Variants in GALNT12 observed in about 807,000 individuals in gnomAD.
The protein encoded by GALNT12 is UDP-GalNAc:polypeptide N-acetylgalactosaminyltransferase 12.
In GALNT12, 45 loss-of-function variants were observed where a neutral mutation model predicts 55.5. The ratio of observed to expected loss-of-function variants is 0.81; its 90% CI spans 0.64 to 1.04. The LOEUF is 1.04. Among genes scored for constraint, GALNT12 ranks in the 50% least tolerant of loss-of-function variants. The pLI, the probability that GALNT12 is intolerant of heterozygous loss-of-function variation, is 0.00. For missense variants in GALNT12, 709 were observed against 754.8 expected, an observed-to-expected ratio of 0.94 and a Z score of 0.71; for synonymous variants, 304 against 312.2, an observed-to-expected ratio of 0.97 and a Z score of 0.28.
intron 1 of GALNT12, among the ~76,000 whole-genome samples, chr9:98,811,174 A>C (rs977209136): frequency 3.9e-5 from 6 of 152,304 alleles, no homozygotes; most frequent in African/African-American, 7.2e-5. Context: ...TCTGAGTCAG[A>C]AGATTTAGGG....
intron 1 of GALNT12, among the ~76,000 whole-genome samples, chr9:98,810,848 G>C (rs1337682049): frequency 6.6e-6 from 1 of 152,070 alleles, no homozygotes; most frequent in East Asian, 1.9e-4. Flanking sequence ...ATGATGACTA[G>C]GAATCCTTCC....
At position 98,837,034 on chromosome 9, in the gene GALNT12, C is replaced by T. The variant is rs2118450989; in HGVS notation, c.1098C>T (p.Pro366=). 6.2e-7 allele frequency: 1 copy of T among 1,614,172 alleles called. No individual in the cohort carries two copies. Among genetic ancestry groups the T allele is most frequent in the Non-Finnish European group, 8.5e-7 (1 of 1,180,030 alleles). ...GTTCCCATGTTGGCCATGTTTTCCC[C>T]AAGCAAGCTCCCTACTCCCGCAACA... ...HPCSHVGHVF[P]KQAPYSRNKA... Residue 366 remains proline, a synonymous_variant, in exon 6 of 10, where the codon CCC becomes CCT. Transcript: ENST00000375011.
intron 1 of GALNT12, among the ~76,000 whole-genome samples, chr9:98,820,713 C>G (rs775570898): frequency 6.6e-6 from 1 of 152,232 alleles, no homozygotes; most frequent in Non-Finnish European, 1.5e-5. Flanking sequence ...ACACTCCCAA[C>G]AACAGTGTAA....
At chr9:98,830,140 T>C (rs1231432180) in intron 3 of GALNT12, among the ~76,000 whole-genome samples, 1 of 152,208 alleles carries the variant, frequency 6.6e-6, no homozygotes, top group Non-Finnish European at 1.5e-5. Context: ...CACCAATGCC[T>C]GGTCCCATTT....
At chr9:98,844,250 G>C (rs1260997942) in intron 8 of GALNT12, 41 bp downstream of exon 8, 3 of 1,320,982 alleles carry the variant, frequency 2.3e-6, no homozygotes, top group Non-Finnish European at 2.2e-6. Flanking sequence ...TGTGTGTTTT[G>C]TTAAAAAAAT....
At position 98,827,430 on chromosome 9, in the gene GALNT12, A is replaced by G. The variant is rs149048346; in HGVS notation, c.731+489A>G. The stretch of plus-strand genomic sequence containing the variant: ...TGGTCAGGCTGGTCTCAAACTCCTG[A>G]CCTCAAACTCCTGACGTCAGGCGTG... On this transcript the variant is annotated intron_variant, in intron 3 of 9. Coordinates refer to ENST00000375011, the MANE Select transcript of GALNT12 (RefSeq NM_024642.5). Among the ~76,000 whole-genome samples, 790 of 151,690 alleles carry G rather than the reference A, an allele frequency of 5.2e-3. 7 individuals carry two copies. The highest frequency in any genetic ancestry group is 0.018 in the African/African-American group (739 of 41,354).
In GALNT12 at chr9:98,837,094, A is replaced by G; in HGVS notation, c.1158A>G (p.Val386=). The change falls in exon 6 of 10, where the codon GTA becomes GTG. Residue 386 remains valine (V), a synonymous_variant. Transcript: ENST00000375011. ...ALANSVRAAE[V]WMDEFKELYY... ...CCAACAGTGTTCGTGCAGCTGAAGT[A>G]TGGATGGATGAATTTAAAGAGCTCT... 1 of 1,614,152 alleles carries G rather than the reference A, an allele frequency of 6.2e-7. No homozygotes were observed. The highest frequency in any genetic ancestry group is 8.5e-7 in the Non-Finnish European group (1 of 1,180,024).
intron 1 of GALNT12, among the ~76,000 whole-genome samples, chr9:98,815,535 T>C (rs1163283566): frequency 6.6e-6 from 1 of 152,158 alleles, no homozygotes; most frequent in African/African-American, 2.4e-5. Context: ...AGAATGCCTT[T>C]AGGAGATGTT....
Position 98,831,942 on chromosome 9 carries a change from C to T in GALNT12, c.902C>T (p.Pro301Leu). ...PERERIRMQS[P>L]VDVIRSPTMA... Reference sequence around the variant, plus strand: ...AGGGAGAGGATACGGATGCAATCCCCCGTCGATGTCATCAGGTCAGGAGCT... The same window carrying T: ...AGGGAGAGGATACGGATGCAATCCCTCGTCGATGTCATCAGGTCAGGAGCT... The change falls in exon 4 of 10, where the codon CCC becomes CTC. Residue 301 changes from proline to leucine, a missense_variant. Pro to Leu is a moderately conservative substitution (Grantham distance 98). Coordinates refer to ENST00000375011, the MANE Select transcript of GALNT12 (RefSeq NM_024642.5). 6.2e-7 allele frequency: 1 copy of T among 1,613,846 alleles called. No individual in the cohort carries two copies. The highest frequency in any genetic ancestry group is 1.3e-5 in the African/African-American group (1 of 75,026).
At chr9:98,845,949 T>A in intron 8 of GALNT12, 28 bp from the exon 9 acceptor site, 1 of 1,613,034 alleles carries the variant, frequency 6.2e-7, no homozygotes, top group South Asian at 1.1e-5. Flanking sequence ...GAAAATGTTG[T>A]GTTACATGTT....
intron 1 of GALNT12, among the ~76,000 whole-genome samples, chr9:98,821,085 T>C (rs1309538865): frequency 1.3e-5 from 2 of 152,194 alleles, no homozygotes; most frequent in Non-Finnish European, 1.5e-5. Context: ...CTAGGCTCAC[T>C]ACAACCTCCA....
Position 98,849,191 on chromosome 9 carries a change from A to G in GALNT12, c.*99A>G. On this transcript the variant is annotated 3_prime_UTR_variant, in exon 10 of 10. Transcript: ENST00000375011. ...CAGTGACCAGAACCCACCAAAAACT[A>G]GGCTGCATTGCTTTGAAGAGGCAAT... 8.0e-7 allele frequency: 1 copy of G among 1,243,130 alleles called. No individual in the cohort carries two copies. The highest frequency in any genetic ancestry group is 1.2e-6 in the Non-Finnish European group (1 of 849,992). The allele number at this position is 1,243,130 out of a possible 1,614,324, so 77.0% of individuals were successfully genotyped here.
intron 9 of GALNT12, 96 bp downstream of exon 9, chr9:98,846,219 G>T: frequency 6.7e-7 from 1 of 1,487,106 alleles, no homozygotes; most frequent in Non-Finnish European, 9.4e-7. Flanking sequence ...TCCTGGTGAG[G>T]ATCAGGGATG....
intron 4 of GALNT12, among the ~76,000 whole-genome samples, chr9:98,833,879 C>A (rs1478022665): frequency 6.6e-6 from 1 of 152,112 alleles, no homozygotes; most frequent in African/African-American, 2.4e-5. Flanking sequence ...TCCTCCCCAT[C>A]CCATAATATC....
At chr9:98,808,092 G>A (rs2118258811) in intron 1 of GALNT12, 23 bp downstream of exon 1, 2 of 1,549,622 alleles carry the variant, frequency 1.3e-6, no homozygotes, top group Non-Finnish European at 1.7e-6. Context: ...CTCTGGGGAG[G>A]AAGCCCGCCC....
chr9:98,843,724 T>G (rs888244451), intron 7 of GALNT12, among the ~76,000 whole-genome samples: 12 of 152,204 alleles, frequency 7.9e-5, no homozygotes, highest in Admixed American at 5.2e-4. Context: ...ATTCTTTCTT[T>G]GTGTCTATCG....
At chr9:98,834,220 G>A (rs1180485789) in intron 4 of GALNT12, among the ~76,000 whole-genome samples, 1 of 152,074 alleles carries the variant, frequency 6.6e-6, no homozygotes, top group Non-Finnish European at 1.5e-5. Context: ...CTGGATTCAA[G>A]TGATTCTCCT....
At chr9:98,826,605 A>G in intron 2 of GALNT12, 147 bp from the exon 3 acceptor site, 1 of 818,384 alleles carries the variant, frequency 1.2e-6, no homozygotes, top group Non-Finnish European at 2.0e-6. Context: ...TGGGTGAGGT[A>G]AGGATGTCCC....
chr9:98,844,061 T>A, intron 7 of GALNT12, 35 bp from the exon 8 acceptor site: 1 of 1,445,194 alleles, frequency 6.9e-7, no homozygotes, highest in Non-Finnish European at 9.7e-7. Flanking sequence ...TGTCTATAAA[T>A]CTGGACTGAA....
Sources: gnomAD v4.1 joint callset for allele counts (sites outside exome capture counted in the v4.1 genomes callset) on GRCh38, gnomAD v4.1.1 for gene constraint, MANE v1.5 for transcripts, NCBI Gene and HGNC (gene_info 2026-07-23, HGNC 2026-07-21) for gene names.